Variants in TBC1D8 observed in about 807,000 individuals in gnomAD.
The protein encoded by TBC1D8 is TBC1 domain family member 8.
In TBC1D8, 65 loss-of-function variants were observed where a neutral mutation model predicts 118.8. That is an observed-to-expected ratio of 0.55 (90% CI 0.45 to 0.67). TBC1D8 has a LOEUF of 0.67. TBC1D8 is among the 30% of genes least tolerant of loss of function. The pLI, the probability that TBC1D8 is intolerant of heterozygous loss-of-function variation, is 0.00. For missense variants in TBC1D8, 1,376 were observed against 1,471.2 expected, an observed-to-expected ratio of 0.94 and a Z score of 1.06; for synonymous variants, 566 against 595.8, an observed-to-expected ratio of 0.95 and a Z score of 0.73.
Position 101,136,519 on chromosome 2 carries a change from G to A in TBC1D8, c.127+14608C>T, listed in dbSNP as rs549333196. Among the ~76,000 whole-genome samples the A allele has an allele frequency of 3.9e-5, 6 of 152,246 alleles. No individual in the cohort carries two copies. The South Asian group carries it at 6.2e-4, about 16-fold the overall frequency. On this transcript the variant is annotated intron_variant, in intron 1 of 19. Coordinates refer to ENST00000409318, the MANE Select transcript of TBC1D8 (RefSeq NM_001330348.2). Reference sequence around the variant, plus strand: ...TATTCTAAAGGACTGAAAGAGAACCGAATCCCCACATTAACAGACAGCTAC... The same window carrying A: ...TATTCTAAAGGACTGAAAGAGAACCAAATCCCCACATTAACAGACAGCTAC...
At position 101,008,247 on chromosome 2, in the gene TBC1D8, A is replaced by C; in HGVS notation, c.3042T>G (p.Thr1014=). Residue 1014 remains threonine, a synonymous_variant, in exon 20 of 20, where the codon ACT becomes ACG. Transcript: ENST00000409318. ...GATCTTCATGGAACATACTGTACAGAGTTTTACAGAACTGGATAAATTCTC... is the reference window on the plus strand; with the variant it reads ...GATCTTCATGGAACATACTGTACAGCGTTTTACAGAACTGGATAAATTCTC... ...SQREFIQFCK[T]LYSMFHEDPE... The C allele has an allele frequency of 4.5e-6, 7 of 1,559,750 alleles. No individual in the cohort carries two copies. Among genetic ancestry groups the C allele is most frequent in the Non-Finnish European group, 6.1e-6 (7 of 1,151,480 alleles).
intron 5 of TBC1D8, among the ~76,000 whole-genome samples, chr2:101,048,704 G>A: frequency 6.6e-6 from 1 of 150,606 alleles, no homozygotes. Flanking sequence ...AAAAGACAGA[G>A]GACAGTGCAT....
intron 1 of TBC1D8, among the ~76,000 whole-genome samples, chr2:101,100,552 C>T (rs1676761245): frequency 6.6e-6 from 1 of 152,070 alleles, no homozygotes; most frequent in African/African-American, 2.4e-5. Flanking sequence ...CCCATATAGC[C>T]AAGACAATCC....
At position 101,062,862 on chromosome 2, in the gene TBC1D8, G is replaced by A. The variant is rs1054180273; in HGVS notation, c.284-3323C>T. Among the ~76,000 whole-genome samples the A allele has an allele frequency of 3.9e-5, 6 of 152,088 alleles. No individual in the cohort carries two copies. In the East Asian group the frequency reaches 5.8e-4, roughly 15 times the overall value. ...TCACCATGTTTGTCAGGCTGGCATCGAACTCCTGACCTCGTGATCCGCCCG... is the reference window on the plus strand; with the variant it reads ...TCACCATGTTTGTCAGGCTGGCATCAAACTCCTGACCTCGTGATCCGCCCG... On this transcript the variant is annotated intron_variant, in intron 2 of 19. Coordinates refer to ENST00000409318, the MANE Select transcript of TBC1D8 (RefSeq NM_001330348.2).
At chr2:101,079,452 GCAGC>G (rs1558682470) in intron 2 of TBC1D8, among the ~76,000 whole-genome samples, 15 of 152,074 alleles carry the variant, frequency 9.9e-5, no homozygotes, top group African/African-American at 3.6e-4. Context: ...ATAGCTCACC[GCAGC>G]CTTGAACTCC....
chr2:101,020,634 A>G (rs972860503), intron 17 of TBC1D8, among the ~76,000 whole-genome samples: 1 of 152,222 alleles, frequency 6.6e-6, no homozygotes, highest in East Asian at 1.9e-4. Flanking sequence ...CCTAAGGTAT[A>G]AGATGCCAGT....
At chr2:101,080,533 C>T (rs1317718771) in intron 2 of TBC1D8, among the ~76,000 whole-genome samples, 8 of 152,232 alleles carry the variant, frequency 5.3e-5, no homozygotes, top group African/African-American at 1.9e-4. Context: ...TGGTCAAGGG[C>T]AGGGACAAGA....
rs187834429 is a variant in TBC1D8, at chr2:101,030,699, T to G, written c.1937-923A>C. 1.7e-4 allele frequency among the ~76,000 whole-genome samples: 26 copies of G among 152,314 alleles called. No homozygotes were observed. In the East Asian group the frequency reaches 4.8e-3, roughly 28 times the overall value. ...GTATATATTCATAAAAAGACTTATATGACTGCTCATTGCTACTTTATCATA... is the reference window on the plus strand; with the variant it reads ...GTATATATTCATAAAAAGACTTATAGGACTGCTCATTGCTACTTTATCATA... On this transcript the variant is annotated intron_variant, in intron 11 of 19. Transcript: ENST00000409318.
In TBC1D8 at chr2:101,017,155, G is replaced by A. The variant is rs372025527; in HGVS notation, c.2827+4526C>T. Among the ~76,000 whole-genome samples the A allele has an allele frequency of 1.5e-4, 23 of 151,424 alleles. No individual in the cohort carries two copies. The East Asian group carries it at 1.9e-3, about 13-fold the overall frequency. ...GATCGTCAATATCAGTGTCTTCCAC[G>A]TCCACATCTTGTCCCAACTGAAGGT... On this transcript the variant is annotated intron_variant, in intron 17 of 19. Transcript: ENST00000409318.
chr2:101,070,002 G>A (rs1356665039), intron 2 of TBC1D8, among the ~76,000 whole-genome samples: 2 of 149,818 alleles, frequency 1.3e-5, no homozygotes, highest in Non-Finnish European at 3.0e-5. Context: ...TGCAACCTCC[G>A]CCTCCTGGGT....
At position 101,118,685 on chromosome 2, in the gene TBC1D8, A is replaced by G. The variant is rs372398861; in HGVS notation, c.128-28321T>C. 5.0e-5 allele frequency among the ~76,000 whole-genome samples: 7 copies of G among 139,870 alleles called. No individual in the cohort carries two copies. In the South Asian group the frequency reaches 1.4e-3, roughly 28 times the overall value. 91.8% of individuals were successfully genotyped at this position (139,870 alleles called of 152,430 possible). A position where few individuals can be genotyped will look rare whatever the true frequency, so the allele number is the denominator to read the frequency against. On this transcript the variant is annotated intron_variant, in intron 1 of 19. Coordinates refer to ENST00000409318, the MANE Select transcript of TBC1D8 (RefSeq NM_001330348.2). ...GCACTCCAGTCTGGGCGACAGAATG[A>G]AACTCCATCTCAAAAAAAAAAAAAA...
rs376638430 is a variant in TBC1D8 at position 101,150,664 on chromosome 2, C to A, written c.127+463G>T. Among the ~76,000 whole-genome samples, 4 of 152,344 alleles carry A rather than the reference C, an allele frequency of 2.6e-5. No individual in the cohort carries two copies. The South Asian group carries it at 6.2e-4, about 24-fold the overall frequency. On this transcript the variant is annotated intron_variant, in intron 1 of 19. Coordinates refer to ENST00000409318, the MANE Select transcript of TBC1D8 (RefSeq NM_001330348.2). ...CACCGCGGCCTCCAAGAGCTGCGCC[C>A]CGCGCGCATCGCCGCGCGCCCCCAG...
At chr2:101,034,405 G>A (rs1158800559) in intron 9 of TBC1D8, among the ~76,000 whole-genome samples, 1 of 152,148 alleles carries the variant, frequency 6.6e-6, no homozygotes, top group Non-Finnish European at 1.5e-5. Context: ...CATCAAGGGG[G>A]CGCAGCTATG....
intron 1 of TBC1D8, among the ~76,000 whole-genome samples, chr2:101,137,577 G>T (rs1485459155): frequency 6.6e-6 from 1 of 152,228 alleles, no homozygotes; most frequent in Non-Finnish European, 1.5e-5. Context: ...CTCCCAAAGT[G>T]CTGGGATTTG....
intron 2 of TBC1D8, chr2:101,068,507 G>A (rs1032346578): frequency 2.4e-6 from 1 of 417,614 alleles, no homozygotes; most frequent in Non-Finnish European, 4.3e-6. Flanking sequence ...GTTGTCTCTG[G>A]AAGATGGAAC....
At chr2:101,062,397 CAGA>C (rs1202395074) in intron 2 of TBC1D8, among the ~76,000 whole-genome samples, 1 of 151,866 alleles carries the variant, frequency 6.6e-6, no homozygotes, top group Non-Finnish European at 1.5e-5. Context: ...CTCATTGATC[CAGA>C]AGAAGAGAGA....
chr2:101,138,261 C>T (rs28371411), intron 1 of TBC1D8, among the ~76,000 whole-genome samples: 100,920 of 152,008 alleles, frequency 0.66, 33,858 homozygotes, highest in East Asian at 0.78. Context: ...ATCCAAACCA[C>T]ATCAGGTTCC....
Position 101,144,658 on chromosome 2 carries a change from C to T in TBC1D8, c.127+6469G>A, listed in dbSNP as rs187761503. Among the ~76,000 whole-genome samples the T allele has an allele frequency of 5.0e-4, 76 of 152,198 alleles. No homozygotes were observed. The East Asian group carries it at 7.3e-3, about 15-fold the overall frequency. ...TCATTTTAAATAAATTCCTCTTGGC[C>T]GGGCGCGGTGGCTCACGCCTGTAAT... On this transcript the variant is annotated intron_variant, in intron 1 of 19. Transcript: ENST00000409318.
At chr2:101,030,377 A>G (rs1680599138) in intron 11 of TBC1D8, among the ~76,000 whole-genome samples, 1 of 152,260 alleles carries the variant, frequency 6.6e-6, no homozygotes, top group Non-Finnish European at 1.5e-5. Flanking sequence ...TTAAACACTC[A>G]GAAGAGCCAA....
Sources: allele counts gnomAD v4.1 joint callset (sites outside exome capture counted in the v4.1 genomes callset), GRCh38; gene constraint gnomAD v4.1.1; transcripts MANE v1.5; gene names NCBI Gene and HGNC (gene_info 2026-07-23, HGNC 2026-07-21).